HPCAL1: variants seen among roughly 807,000 people sequenced by gnomAD.
HPCAL1 encodes the protein hippocalcin like 1, also known as hippocalcin-like protein 1.
In HPCAL1, 8 loss-of-function variants were observed where a neutral mutation model predicts 17.1. The observed-to-expected ratio is 0.47, with a 90% confidence interval of 0.27 to 0.84. The LOEUF (loss-of-function observed/expected upper bound fraction) is 0.84. HPCAL1 is among the 40% of genes least tolerant of loss of function. The pLI is 0.13. For synonymous variants in HPCAL1, 112 were observed against 111.4 expected (o/e 1.01, Z -0.03); for missense variants, 165 against 271.1 (o/e 0.61, Z 2.75).
intron 1 of HPCAL1, among the ~76,000 whole-genome samples, chr2:10,319,635 T>C (rs1663547818): frequency 6.6e-6 from 1 of 151,698 alleles, no homozygotes; most frequent in Non-Finnish European, 1.5e-5. Context: ...TTTGGGAGCC[T>C]CTGTTTAAGC....
chr2:10,427,144 T>C lies in HPCAL1; in HGVS notation c.*323T>C. Reference sequence around the variant, plus strand: ...CATGCCGAGGAGACCAGGCAGGACCTCCCGAGGCTGCGCCCCGGCCGGCCC... The same window carrying C: ...CATGCCGAGGAGACCAGGCAGGACCCCCCGAGGCTGCGCCCCGGCCGGCCC... On this transcript the variant is annotated 3_prime_UTR_variant, in exon 5 of 5. Transcript: ENST00000307845. 1 of 295,154 alleles carries C rather than the reference T, an allele frequency of 3.4e-6. No homozygotes were observed. The allele number at this position is 295,154 out of a possible 1,614,324, so 18.3% of individuals were successfully genotyped here. A position where few individuals can be genotyped will look rare whatever the true frequency, so the allele number is the denominator to read the frequency against.
At chr2:10,389,338 G>A (rs531071197) in intron 1 of HPCAL1, among the ~76,000 whole-genome samples, 1 of 152,348 alleles carries the variant, frequency 6.6e-6, no homozygotes, top group East Asian at 1.9e-4. Flanking sequence ...TGCCCCGCAA[G>A]GAACAGTCCC....
At chr2:10,346,072 C>CTGTGTG in intron 1 of HPCAL1, among the ~76,000 whole-genome samples, 1 of 151,140 alleles carries the variant, frequency 6.6e-6, no homozygotes, top group East Asian at 1.9e-4. Context: ...GAGAGCCAGG[C>CTGTGTG]TGTGTGTGTG....
At chr2:10,372,301 G>A (rs1198654265) in intron 1 of HPCAL1, among the ~76,000 whole-genome samples, 1 of 135,122 alleles carries the variant, frequency 7.4e-6, no homozygotes, top group Admixed American at 7.3e-5. Flanking sequence ...AAGCCCCATG[G>A]GGGCCCCACT....
In HPCAL1 at chr2:10,330,421, T is replaced by C. The variant is rs1278684078; in HGVS notation, c.-111+27244T>C. On this transcript the variant is annotated intron_variant, in intron 1 of 4. Transcript: ENST00000307845. This position sits in a 1 kb window ranked among gnomAD's most constrained non-coding sequence, Gnocchi z 4.2. ...TCGTCTAACCTTCCCGGTGTATTAG[T>C]CAGCTCTGGCTGCTGGAAACGGGGT... 6.6e-6 allele frequency among the ~76,000 whole-genome samples: 1 copy of C among 152,156 alleles called. No individual in the cohort carries two copies. Among genetic ancestry groups the C allele is most frequent in the Admixed American group, 6.5e-5 (1 of 15,282 alleles).
chr2:10,339,922 T>C (rs916899496), intron 1 of HPCAL1, among the ~76,000 whole-genome samples: 1 of 152,210 alleles, frequency 6.6e-6, no homozygotes. Context: ...CTCCCTGTGG[T>C]CCTACTGGGC....
At chr2:10,309,502 T>A (rs981021342) in intron 1 of HPCAL1, among the ~76,000 whole-genome samples, 1 of 152,194 alleles carries the variant, frequency 6.6e-6, no homozygotes, top group Non-Finnish European at 1.5e-5. Flanking sequence ...GGGCTGGTGT[T>A]CAGATTTTCC....
chr2:10,399,230 C>CGCCGCTGCCGCT lies in HPCAL1; in HGVS notation c.-25+2310_-25+2311insGCCGCTGCCGCT, dbSNP rs1558517410. Among the ~76,000 whole-genome samples, 133 of 144,946 alleles carry CGCCGCTGCCGCT rather than the reference C, an allele frequency of 9.2e-4. 14 individuals are homozygous for CGCCGCTGCCGCT. The highest frequency in any genetic ancestry group is 3.3e-3 in the African/African-American group (125 of 38,188). ...ACTGCACCACCACCACCACCACCAC[C>CGCCGCTGCCGCT]ACCACCACCATCACCACCACCACCA... On this transcript the variant is annotated intron_variant, in intron 2 of 4. Transcript: ENST00000307845.
chr2:10,384,275 G>A lies in HPCAL1; in HGVS notation c.-110-12560G>A, dbSNP rs533061516. 2.7e-4 allele frequency among the ~76,000 whole-genome samples: 41 copies of A among 152,238 alleles called. No homozygotes were observed. The highest frequency in any genetic ancestry group is 5.2e-4 in the Admixed American group (8 of 15,298). On this transcript the variant is annotated intron_variant, in intron 1 of 4. Transcript: ENST00000307845. The surrounding 1 kb of genome is among the most constrained non-coding windows in gnomAD (Gnocchi z 4.4). ...TGCTTCCCCTCACTAGGAGTGGATG[G>A]GGCTGCCAGTGGTGTTCTTGCAAAA...
intron 1 of HPCAL1, among the ~76,000 whole-genome samples, chr2:10,317,852 A>G (rs983919820): frequency 2.0e-5 from 3 of 152,232 alleles, no homozygotes; most frequent in African/African-American, 4.8e-5. Context: ...GAAGCCCACA[A>G]GGGGGCCCTG....
chr2:10,399,343 CCACCACCATCACCACCACTACCATCAT>C (rs1669339818), intron 2 of HPCAL1, among the ~76,000 whole-genome samples: 1 of 60,240 alleles, frequency 1.7e-5, no homozygotes, highest in Non-Finnish European at 3.7e-5. Flanking sequence ...ACCACCACCA[CCACCACCATCACCACCACTACCATCAT>C]CACCACCACC....
rs550456975 is a variant in HPCAL1, at chr2:10,415,889, T to C, written c.-24-3845T>C. ...ACATGTGAACACCTAGCGAGCTCCATGGGCTCTGCGTGTGTACGTCTTTGC... is the reference window on the plus strand; with the variant it reads ...ACATGTGAACACCTAGCGAGCTCCACGGGCTCTGCGTGTGTACGTCTTTGC... On this transcript the variant is annotated intron_variant, in intron 2 of 4. Transcript: ENST00000307845. Among the ~76,000 whole-genome samples the C allele has an allele frequency of 7.2e-5, 11 of 152,340 alleles. No individual in the cohort carries two copies. The South Asian group carries it at 2.3e-3, about 32-fold the overall frequency.
chr2:10,317,116 G>A (rs2125395271), intron 1 of HPCAL1, among the ~76,000 whole-genome samples: 1 of 152,308 alleles, frequency 6.6e-6, no homozygotes, highest in South Asian at 2.1e-4. Flanking sequence ...AGTTGTCCTG[G>A]AAAAGAAATC....
chr2:10,401,276 G>A (rs1488653978), intron 2 of HPCAL1, among the ~76,000 whole-genome samples: 1 of 152,196 alleles, frequency 6.6e-6, no homozygotes, highest in Admixed American at 6.5e-5. Context: ...GTATTTCTGG[G>A]ACAGCCCAGA....
At position 10,390,421 on chromosome 2, in the gene HPCAL1, C is replaced by T. The variant is rs926274600; in HGVS notation, c.-110-6414C>T. Among the ~76,000 whole-genome samples the T allele has an allele frequency of 1.4e-4, 21 of 152,240 alleles. 1 individual carries two copies. The highest frequency in any genetic ancestry group is 7.7e-4 in the East Asian group (4 of 5,190). On this transcript the variant is annotated intron_variant, in intron 1 of 4. Coordinates refer to ENST00000307845, the MANE Select transcript of HPCAL1 (RefSeq NM_002149.4). ...TCTTGGAGCAACTGTGCTTATCACC[C>T]GGAGGCCACAGTGGAATTAGTCATT...
intron 1 of HPCAL1, among the ~76,000 whole-genome samples, chr2:10,313,462 G>C (rs1025389348): frequency 2.0e-5 from 3 of 152,354 alleles, no homozygotes; most frequent in Admixed American, 2.0e-4. Flanking sequence ...CCTTGCCTGA[G>C]GGCTGGCTTT....
chr2:10,424,681 T>C, intron 4 of HPCAL1: 1 of 457,680 alleles, frequency 2.2e-6, no homozygotes, highest in Non-Finnish European at 4.5e-6. Flanking sequence ...CTTCCTCCTG[T>C]GAGCCCAGGG....
chr2:10,319,085 C>A (rs1321192180), intron 1 of HPCAL1, among the ~76,000 whole-genome samples: 2 of 152,242 alleles, frequency 1.3e-5, no homozygotes, highest in Admixed American at 1.3e-4. Context: ...CCATCATCAA[C>A]ATCATTGTCG....
At chr2:10,346,162 C>T (rs1242631117) in intron 1 of HPCAL1, among the ~76,000 whole-genome samples, 1 of 152,074 alleles carries the variant, frequency 6.6e-6, no homozygotes, top group Non-Finnish European at 1.5e-5. Context: ...TGGTGGCCTC[C>T]CAGTAGGACA....
Sources: allele counts gnomAD v4.1 joint callset (sites outside exome capture counted in the v4.1 genomes callset), GRCh38; gene constraint gnomAD v4.1.1; non-coding constraint Gnocchi (gnomAD v3.1); transcripts MANE v1.5; gene names NCBI Gene and HGNC (gene_info 2026-07-23, HGNC 2026-07-21).